The following UTS2B variants were observed in gnomAD, a reference collection of about 807,000 sequenced individuals.
The protein encoded by UTS2B is urotensin-2B.
UTS2B carries 21 observed loss-of-function variants against 19.2 expected under a neutral mutation model. The ratio of observed to expected loss-of-function variants is 1.09; its 90% CI spans 0.78 to 1.58. The LOEUF is 1.58. UTS2B is among the 40% of genes most tolerant of loss of function. The probability of loss-of-function intolerance (pLI) is 0.00; values close to 1 mark genes in which losing one functional copy is unlikely to be tolerated. For missense variants in UTS2B, 138 were observed against 130.3 expected, an observed-to-expected ratio of 1.06 and a Z score of -0.29; for synonymous variants, 57 against 50.2, an observed-to-expected ratio of 1.14 and a Z score of -0.58.
chr3:191,329,701 C>T, intron 1 of UTS2B: 1 of 1,610,838 alleles, frequency 6.2e-7, no homozygotes, highest in African/African-American at 1.3e-5. Context: ...TCGACCAGTC[C>T]AAGCTGCCTG....
intron 8 of UTS2B, among the ~76,000 whole-genome samples, chr3:191,273,910 C>G (rs1310994720): frequency 5.9e-5 from 9 of 152,286 alleles, no homozygotes; most frequent in Middle Eastern, 3.4e-3. Context: ...TCAGACCAGC[C>G]TAACCAACAT....
upstream of UTS2B, among the ~76,000 whole-genome samples, chr3:191,334,682 C>G (rs1485844483): frequency 6.6e-6 from 1 of 152,120 alleles, no homozygotes; most frequent in African/African-American, 2.4e-5. Context: ...TACCTACCTT[C>G]TCTTTTCCTT....
intron 4 of UTS2B, among the ~76,000 whole-genome samples, chr3:191,283,147 C>T (rs1231308751): frequency 2.0e-5 from 3 of 152,142 alleles, no homozygotes; most frequent in Non-Finnish European, 4.4e-5. Flanking sequence ...TTTACTAACC[C>T]GTTGCTTTAA....
At chr3:191,296,239 T>TCCC (rs1264631262) in intron 4 of UTS2B, among the ~76,000 whole-genome samples, 3 of 151,274 alleles carry the variant, frequency 2.0e-5, no homozygotes, top group African/African-American at 4.9e-5. Flanking sequence ...GGAGGCATAC[T>TCCC]CCCCTTCCCC....
intron 6 of UTS2B, 39 bp from the exon 7 acceptor site, chr3:191,276,883 C>G: frequency 6.3e-7 from 1 of 1,589,650 alleles, no homozygotes; most frequent in Non-Finnish European, 8.6e-7. Context: ...ACGTACATTG[C>G]AAGTAATATT....
chr3:191,336,822 A>G, the UTS2B span, among the ~76,000 whole-genome samples: 1 of 152,208 alleles, frequency 6.6e-6, no homozygotes, highest in Non-Finnish European at 1.5e-5. Context: ...AAGTTTTTGC[A>G]GTGACAGCTC....
the UTS2B span, among the ~76,000 whole-genome samples, chr3:191,345,399 A>G: frequency 2.6e-5 from 4 of 152,232 alleles, no homozygotes; most frequent in South Asian, 2.1e-4. Context: ...TTTAACCAAT[A>G]TAAGTAAAGA....
At chr3:191,325,048 T>A (rs1717708700) in intron 2 of UTS2B, among the ~76,000 whole-genome samples, 1 of 138,472 alleles carries the variant, frequency 7.2e-6, no homozygotes, top group African/African-American at 2.6e-5. Context: ...AGACTCCATC[T>A]CAGGAAAAAA....
intron 3 of UTS2B, among the ~76,000 whole-genome samples, chr3:191,315,791 G>GT (rs1200208153): frequency 1.3e-5 from 2 of 152,140 alleles, no homozygotes; most frequent in Non-Finnish European, 2.9e-5. Flanking sequence ...GTCTAAATAT[G>GT]TTTTTAAATT....
Position 191,278,177 on chromosome 3 carries a change from T to C in UTS2B, c.104-7A>G, listed in dbSNP as rs778131254. On this transcript the variant is annotated splice_polypyrimidine_tract_variant and splice_region_variant and intron_variant, in intron 5 of 8. Coordinates refer to ENST00000340524, the MANE Select transcript of UTS2B (RefSeq NM_198152.5). ...TCTGGAAATATTTCATTTCCTATAA[T>C]GATCAAAAACCACCATTTTCAATTT... The C allele has an allele frequency of 6.9e-7, 1 of 1,455,782 alleles. No homozygotes were observed. Among genetic ancestry groups the C allele is most frequent in the African/African-American group, 1.4e-5 (1 of 69,540 alleles). The allele number at this position is 1,455,782 out of a possible 1,614,324, so 90.2% of individuals were successfully genotyped here.
chr3:191,312,384 C>T (rs540330222), intron 3 of UTS2B, among the ~76,000 whole-genome samples: 1 of 152,120 alleles, frequency 6.6e-6, no homozygotes, highest in Non-Finnish European at 1.5e-5. Flanking sequence ...ATTACATGGT[C>T]TTTATGTTGG....
chr3:191,336,631 A>G, the UTS2B span, among the ~76,000 whole-genome samples: 1 of 152,166 alleles, frequency 6.6e-6, no homozygotes, highest in East Asian at 1.9e-4. Context: ...TCAGAATGAT[A>G]TGGGGATCCA....
At chr3:191,277,859 C>T (rs557193166) in intron 6 of UTS2B, among the ~76,000 whole-genome samples, 1 of 151,350 alleles carries the variant, frequency 6.6e-6, no homozygotes, top group South Asian at 2.1e-4. Context: ...CATTAGGACC[C>T]TCAAATTGAC....
chr3:191,301,835 C>T (rs1354419851), intron 4 of UTS2B, among the ~76,000 whole-genome samples: 1 of 152,172 alleles, frequency 6.6e-6, no homozygotes, highest in Non-Finnish European at 1.5e-5. Context: ...ATTCAAAGAG[C>T]AGTGCTCTAG....
intron 2 of UTS2B, among the ~76,000 whole-genome samples, chr3:191,319,321 T>C (rs1460317401): frequency 6.6e-6 from 1 of 152,248 alleles, no homozygotes. Context: ...ATCTCTCACA[T>C]GACAATAGGT....
intron 8 of UTS2B, among the ~76,000 whole-genome samples, chr3:191,274,180 TAA>T (rs996731148): frequency 1.3e-5 from 2 of 152,176 alleles, no homozygotes; most frequent in African/African-American, 4.8e-5. Context: ...CCTTACTGGC[TAA>T]GTCACTTAGC....
the UTS2B span, among the ~76,000 whole-genome samples, chr3:191,337,841 G>T: frequency 5.0e-4 from 76 of 151,344 alleles, no homozygotes; most frequent in African/African-American, 1.8e-3. Context: ...TTTTTTTTTA[G>T]CTTATATTAT....
intron 4 of UTS2B, among the ~76,000 whole-genome samples, chr3:191,283,578 A>G (rs1385504465): frequency 6.6e-6 from 1 of 152,216 alleles, no homozygotes; most frequent in East Asian, 1.9e-4. Flanking sequence ...GAGCAGTTAC[A>G]GTCATAGTCA....
chr3:191,322,000 C>T (rs1560148276), intron 2 of UTS2B, among the ~76,000 whole-genome samples: 1 of 152,002 alleles, frequency 6.6e-6, no homozygotes, highest in African/African-American at 2.4e-5. Flanking sequence ...GCACTCCAGC[C>T]TGGGTGACAA....
Sources: gnomAD v4.1 joint callset for allele counts (sites outside exome capture counted in the v4.1 genomes callset) on GRCh38, gnomAD v4.1.1 for gene constraint, MANE v1.5 for transcripts, NCBI Gene and HGNC (gene_info 2026-07-23, HGNC 2026-07-21) for gene names.